The following TTPA variants were observed in gnomAD, a reference collection of about 807,000 sequenced individuals.
TTPA encodes the protein alpha tocopherol transfer protein.
A neutral mutation model predicts 25.9 loss-of-function variants in TTPA; 23 were observed. The ratio of observed to expected loss-of-function variants is 0.89; its 90% CI spans 0.64 to 1.26. TTPA has a LOEUF of 1.26. Among genes scored for constraint, TTPA ranks in the 50% most tolerant of loss-of-function variants. TTPA has a pLI of 0.00. For synonymous variants in TTPA, 148 were observed against 137.3 expected, an observed-to-expected ratio of 1.08 and a Z score of -0.54; for missense variants, 337 against 353.1, an observed-to-expected ratio of 0.95 and a Z score of 0.37.
chr8:63,069,070 G>A (rs1002210486), intron 2 of TTPA, among the ~76,000 whole-genome samples: 1 of 152,070 alleles, frequency 6.6e-6, no homozygotes, highest in Non-Finnish European at 1.5e-5. Flanking sequence ...CAGGAGAATC[G>A]CTTGAACTCG....
intron 1 of TTPA, among the ~76,000 whole-genome samples, chr8:63,078,218 A>G (rs551155133): frequency 1.8e-4 from 27 of 152,354 alleles, no homozygotes; most frequent in Non-Finnish European, 3.5e-4. Flanking sequence ...ATAAAACCAC[A>G]AAGATGGGGA....
intron 1 of TTPA, 35 bp from the exon 2 acceptor site, chr8:63,073,123 A>G: frequency 6.6e-7 from 1 of 1,520,178 alleles, no homozygotes; most frequent in Non-Finnish European, 9.0e-7. Context: ...TACAAATGGC[A>G]TACATGGTAA....
At position 63,061,438 on chromosome 8, in the gene TTPA, A is replaced by G; in HGVS notation, c.664-13T>C. On this transcript the variant is annotated splice_polypyrimidine_tract_variant and intron_variant, in intron 4 of 4. Coordinates refer to ENST00000260116, the MANE Select transcript of TTPA (RefSeq NM_000370.3). ...CATGCATGTGAATCTGAAATAGCCA[A>G]AACACTTTAGAAGGAAACCGCATTA... 1 of 1,613,710 alleles carries G rather than the reference A, an allele frequency of 6.2e-7. No homozygotes were observed. Among genetic ancestry groups the G allele is most frequent in the Non-Finnish European group, 8.5e-7 (1 of 1,179,840 alleles).
chr8:63,070,630 A>G (rs1036252968), intron 2 of TTPA, among the ~76,000 whole-genome samples: 2 of 152,162 alleles, frequency 1.3e-5, no homozygotes, highest in African/African-American at 2.4e-5. Flanking sequence ...ATACTTCTAA[A>G]TTAATGTGCT....
intron 4 of TTPA, among the ~76,000 whole-genome samples, 166 bp downstream of exon 4, chr8:63,064,040 A>G (rs183418580): frequency 1.3e-5 from 2 of 152,252 alleles, no homozygotes; most frequent in East Asian, 3.9e-4. Context: ...TTAAAAGTAA[A>G]TTTTAATTTA....
At position 63,078,183 on chromosome 8, in the gene TTPA, C is replaced by A. The variant is rs991867174; in HGVS notation, c.205-5095G>T. Among the ~76,000 whole-genome samples the A allele has an allele frequency of 2.6e-5, 4 of 152,324 alleles. No individual in the cohort carries two copies. The East Asian group carries it at 7.7e-4, about 29-fold the overall frequency. ...CCACACCAAAACCCCATGTGTAGGT[C>A]ATGAACGTCAAAGACCAAAGGTGGA... On this transcript the variant is annotated intron_variant, in intron 1 of 4. Transcript: ENST00000260116.
At chr8:63,064,012 A>G (rs1022005336) in intron 4 of TTPA, among the ~76,000 whole-genome samples, 194 bp downstream of exon 4, 26 of 152,266 alleles carry the variant, frequency 1.7e-4, no homozygotes, top group African/African-American at 4.3e-4. Flanking sequence ...TACAACCAAT[A>G]TACTTGATTT....
chr8:63,065,695 C>G (rs1455628017), intron 3 of TTPA, among the ~76,000 whole-genome samples: 1 of 152,134 alleles, frequency 6.6e-6, no homozygotes, highest in African/African-American at 2.4e-5. Flanking sequence ...CTAATTTGAA[C>G]ATATTTTTGC....
Position 63,060,590 on chromosome 8 carries a change from C to A in TTPA, c.*662G>T. 6.6e-6 allele frequency: 1 copy of A among 151,824 alleles called. No individual in the cohort carries two copies. The allele number at this position is 151,824 out of a possible 1,614,324, so 9.4% of individuals were successfully genotyped here. On this transcript the variant is annotated 3_prime_UTR_variant, in exon 5 of 5. Transcript: ENST00000260116. ...AAACTTAGCCAGGAGTGGTGGTGTG[C>A]ACATGTAATCCTAGCAGAGGTTGCA...
Position 63,079,628 on chromosome 8 carries a change from A to G in TTPA, c.204+6190T>C, listed in dbSNP as rs1026551613. ...ATCAATTCAACAAGAAGAGCTAACT[A>G]TCCTAAATACACCCAATACAGGAGC... On this transcript the variant is annotated intron_variant, in intron 1 of 4. Coordinates refer to ENST00000260116, the MANE Select transcript of TTPA (RefSeq NM_000370.3). 2.0e-5 allele frequency among the ~76,000 whole-genome samples: 3 copies of G among 152,324 alleles called. No individual in the cohort carries two copies. In the Middle Eastern group the frequency reaches 0.01, roughly 518 times the overall value.
At chr8:63,075,717 A>AAAAAAG (rs1563364091) in intron 1 of TTPA, among the ~76,000 whole-genome samples, 23 of 147,142 alleles carry the variant, frequency 1.6e-4, no homozygotes, top group Non-Finnish European at 1.8e-4. Context: ...AAAAAAAAAA[A>AAAAAAG]AAAAGTAAAG....
At chr8:63,070,044 T>G (rs999112862) in intron 2 of TTPA, among the ~76,000 whole-genome samples, 2 of 152,230 alleles carry the variant, frequency 1.3e-5, no homozygotes, top group Admixed American at 1.3e-4. Flanking sequence ...TGACAGCTTT[T>G]CAATGTGCCC....
chr8:63,074,575 G>GCACAT (rs1805532949), intron 1 of TTPA, among the ~76,000 whole-genome samples: 1 of 152,122 alleles, frequency 6.6e-6, no homozygotes, highest in African/African-American at 2.4e-5. Context: ...AGAACAACAG[G>GCACAT]CACATTGTAG....
chr8:63,081,678 A>G (rs540866895), intron 1 of TTPA, among the ~76,000 whole-genome samples: 1 of 152,334 alleles, frequency 6.6e-6, no homozygotes, highest in Admixed American at 6.5e-5. Context: ...AGGGTATTCA[A>G]TTAGGAAATG....
At chr8:63,072,860 A>T (rs1805503188) in intron 2 of TTPA, 75 bp downstream of exon 2, 1 of 1,531,354 alleles carries the variant, frequency 6.5e-7, no homozygotes, top group African/African-American at 1.4e-5. Context: ...TGGAAGAAAG[A>T]GAGAAGAGGA....
intron 2 of TTPA, 125 bp downstream of exon 2, chr8:63,072,810 G>T: frequency 9.1e-7 from 1 of 1,103,920 alleles, no homozygotes; most frequent in Non-Finnish European, 1.3e-6. Flanking sequence ...TCCTAAAGAT[G>T]AATGCATTGA....
chr8:63,083,036 G>T (rs1209979048), intron 1 of TTPA, among the ~76,000 whole-genome samples: 1 of 152,214 alleles, frequency 6.6e-6, no homozygotes, highest in African/African-American at 2.4e-5. Flanking sequence ...TACACTGTTA[G>T]TGGGAGTGTA....
In TTPA at chr8:63,085,827, C is replaced by A; in HGVS notation, c.195G>T (p.Leu65=). Residue 65 remains leucine (L), a synonymous_variant, in exon 1 of 5, where the codon CTG becomes CTT. Transcript: ENST00000260116. ...FLRARDFDLD[L]AWRLLKNYYK... is the part of the protein sequence containing the mutation. ...GGGCACGCACGCTTACCCGCCAGGC[C>A]AGGTCCAGATCGAAATCCCGGGCGC... 1 of 1,536,606 alleles carries A rather than the reference C, an allele frequency of 6.5e-7. No homozygotes were observed. The highest frequency in any genetic ancestry group is 8.7e-7 in the Non-Finnish European group (1 of 1,145,554).
At chr8:63,081,568 T>C (rs1401126443) in intron 1 of TTPA, among the ~76,000 whole-genome samples, 1 of 152,200 alleles carries the variant, frequency 6.6e-6, no homozygotes, top group Non-Finnish European at 1.5e-5. Flanking sequence ...AGCATTCCCT[T>C]TGAAAACCGG....
Sources: gnomAD v4.1 joint callset for allele counts (sites outside exome capture counted in the v4.1 genomes callset) on GRCh38, gnomAD v4.1.1 for gene constraint, MANE v1.5 for transcripts, NCBI Gene and HGNC (gene_info 2026-07-23, HGNC 2026-07-21) for gene names.